The following KIF5C variants were observed in gnomAD, a reference collection of about 807,000 sequenced individuals.
KIF5C encodes the protein kinesin heavy chain isoform 5C.
In KIF5C, 18 loss-of-function variants were observed where a neutral mutation model predicts 125.2. The observed-to-expected ratio is 0.14, with a 90% CI of 0.10 to 0.21. The LOEUF (loss-of-function observed/expected upper bound fraction) is 0.21, where lower values mean the gene tolerates loss of function less well. Ranked by LOEUF, KIF5C falls within the 10% of genes least tolerant of loss-of-function variation. KIF5C has a pLI of 1.00. For missense variants in KIF5C, 780 were observed against 1,183.8 expected (o/e 0.66, Z 5.01); for synonymous variants, 405 against 434.0 (o/e 0.93, Z 0.83).
chr2:148,877,556 G>A (rs1681227170), intron 1 of KIF5C, among the ~76,000 whole-genome samples: 1 of 152,214 alleles, frequency 6.6e-6, no homozygotes, highest in African/African-American at 2.4e-5. Context: ...GCTACTTTCT[G>A]AGCCAGGCTG....
At position 149,007,988 on chromosome 2, in the gene KIF5C, G is replaced by C; in HGVS notation, c.2471G>C (p.Gly824Ala). The C allele has an allele frequency of 6.2e-7, 1 of 1,609,330 alleles. No homozygotes were observed. Among genetic ancestry groups the C allele is most frequent in the Non-Finnish European group, 8.5e-7 (1 of 1,176,640 alleles). ...AGTGTGGAGTTGGACAACGATGATG[G>C]AGGGGGCAGTGCTGCCCAGAAGCAG... ...KKSVELDNDD[G>A]GGSAAQKQKI... is the part of the protein sequence containing the mutation. The change falls in exon 23 of 26, where the codon GGA becomes GCA. Residue 824 changes from glycine to alanine, a missense_variant. By Grantham distance (60) the Gly-to-Ala change is moderately conservative. Coordinates refer to ENST00000435030, the MANE Select transcript of KIF5C (RefSeq NM_004522.3).
chr2:149,000,806 T>G, intron 21 of KIF5C, 24 bp downstream of exon 21: 1 of 1,611,732 alleles, frequency 6.2e-7, no homozygotes, highest in Non-Finnish European at 8.5e-7. Flanking sequence ...TTTCCCGATT[T>G]ATGTTTGTCT....
chr2:149,014,442 T>C (rs1324029374), intron 25 of KIF5C, among the ~76,000 whole-genome samples: 1 of 152,210 alleles, frequency 6.6e-6, no homozygotes, highest in African/African-American at 2.4e-5. Context: ...TGTAACTAGG[T>C]GCTTCTCTCA....
At chr2:148,965,257 A>T (rs1683022282) in intron 11 of KIF5C, among the ~76,000 whole-genome samples, 1 of 151,914 alleles carries the variant, frequency 6.6e-6, no homozygotes. Context: ...TGGAGTCATC[A>T]GTCTTTTGGT....
At chr2:148,942,882 G>A in intron 7 of KIF5C, 122 bp downstream of exon 7, 1 of 1,507,106 alleles carries the variant, frequency 6.6e-7, no homozygotes, top group Non-Finnish European at 9.0e-7. Context: ...TTAAAGAGCA[G>A]TGCTCGGACA....
Position 148,876,834 on chromosome 2 carries a change from C to A in KIF5C, c.126+1091C>A, listed in dbSNP as rs956748876. The stretch of plus-strand genomic sequence containing the variant: ...AGGGACCGAGTTAATGGGAGCCTCC[C>A]GGTCCCCGCTGACACGTTCCTGGCA... On this transcript the variant is annotated intron_variant, in intron 1 of 25. Transcript: ENST00000435030. This position sits in a 1 kb window ranked among gnomAD's most constrained non-coding sequence, Gnocchi z 4.7. Among the ~76,000 whole-genome samples the A allele has an allele frequency of 1.3e-5, 2 of 152,194 alleles. No individual in the cohort carries two copies. The highest frequency in any genetic ancestry group is 4.8e-5 in the African/African-American group (2 of 41,450).
In KIF5C at chr2:149,007,945, C is replaced by T; in HGVS notation, c.2446-18C>T. ...GTGGGTGACAGCCTGTCCTGCTGAC[C>T]CCTTGGTGTCAATGCAGAGTGTGGA... On this transcript the variant is annotated intron_variant, in intron 22 of 25. Coordinates refer to ENST00000435030, the MANE Select transcript of KIF5C (RefSeq NM_004522.3). 1.9e-6 allele frequency: 3 copies of T among 1,573,498 alleles called. No homozygotes were observed. Among genetic ancestry groups the T allele is most frequent in the Non-Finnish European group, 1.7e-6 (2 of 1,152,202 alleles).
chr2:148,942,824 AG>A (rs1682438388), intron 7 of KIF5C, 64 bp downstream of exon 7: 6 of 1,563,964 alleles, frequency 3.8e-6, no homozygotes, highest in East Asian at 2.4e-5. Flanking sequence ...CCACCAACCG[AG>A]GGGGGTGGGG....
chr2:148,998,278 C>T, intron 18 of KIF5C, 122 bp from the exon 19 acceptor site: 1 of 1,451,338 alleles, frequency 6.9e-7, no homozygotes. Context: ...GAAATGCCCC[C>T]AGTTTTGGGA....
chr2:148,879,648 A>G (rs1007757716), intron 1 of KIF5C: 2 of 152,260 alleles, frequency 1.3e-5, no homozygotes, highest in African/African-American at 4.8e-5. Context: ...AGAGTACTCC[A>G]TTAGCTGCTA....
intron 12 of KIF5C, among the ~76,000 whole-genome samples, chr2:148,977,651 G>C (rs1442747073): frequency 1.3e-5 from 2 of 152,150 alleles, no homozygotes; most frequent in African/African-American, 4.8e-5. Context: ...TTGGTGTAAA[G>C]GGTTCAGTAG....
intron 17 of KIF5C, among the ~76,000 whole-genome samples, chr2:148,996,754 G>A (rs1424214705): frequency 2.6e-5 from 4 of 152,152 alleles, no homozygotes; most frequent in Non-Finnish European, 5.9e-5. Flanking sequence ...TTCCCATCCT[G>A]GAAACAGAGT....
intron 21 of KIF5C, among the ~76,000 whole-genome samples, chr2:149,004,781 C>A (rs968905727): frequency 1.3e-5 from 2 of 152,114 alleles, no homozygotes; most frequent in Non-Finnish European, 2.9e-5. Context: ...GATAAGGCAA[C>A]CACTGTTTTT....
At chr2:149,009,052 C>T (rs1346983708) in intron 23 of KIF5C, among the ~76,000 whole-genome samples, 3 of 142,574 alleles carry the variant, frequency 2.1e-5, no homozygotes, top group East Asian at 4.1e-4. Flanking sequence ...TGCAGTGGTG[C>T]GATCTCTGCT....
intron 4 of KIF5C, among the ~76,000 whole-genome samples, chr2:148,938,130 A>G (rs925559786): frequency 1.3e-5 from 2 of 152,104 alleles, no homozygotes; most frequent in Non-Finnish European, 2.9e-5. Flanking sequence ...TCATTGGAAC[A>G]CCTCTTTTGC....
chr2:148,912,405 G>T (rs554610839), intron 1 of KIF5C, among the ~76,000 whole-genome samples: 16 of 152,314 alleles, frequency 1.1e-4, no homozygotes, highest in African/African-American at 3.6e-4. Context: ...TAAAATTGTG[G>T]CTGAATTCAG....
chr2:148,911,713 G>T (rs983627123), intron 1 of KIF5C, among the ~76,000 whole-genome samples: 3 of 152,194 alleles, frequency 2.0e-5, no homozygotes, highest in African/African-American at 7.2e-5. Flanking sequence ...ATATTGGAAG[G>T]AAATCTTGGA....
chr2:148,897,243 C>T (rs985811462), intron 1 of KIF5C, among the ~76,000 whole-genome samples: 8 of 152,136 alleles, frequency 5.3e-5, no homozygotes, highest in African/African-American at 1.9e-4. Flanking sequence ...ATGTGATGTC[C>T]TCTAATATTT....
rs1185765209 is a variant in KIF5C at position 148,875,487 on chromosome 2, G to T, written c.-131G>T. Reference sequence around the variant, plus strand: ...CAGCCGGCCGGGCTCGCGATGACCTGCTGAGAAGCGTCGTCGGAGGCTGCA... The same window carrying T: ...CAGCCGGCCGGGCTCGCGATGACCTTCTGAGAAGCGTCGTCGGAGGCTGCA... On this transcript the variant is annotated 5_prime_UTR_variant, in exon 1 of 26. Transcript: ENST00000435030. 1.1e-4 allele frequency: 82 copies of T among 758,902 alleles called. No individual in the cohort carries two copies. The highest frequency in any genetic ancestry group is 1.7e-4 in the Non-Finnish European group (77 of 459,026). 47.0% of individuals were successfully genotyped at this position (758,902 alleles called of 1,614,324 possible).
Sources: allele counts gnomAD v4.1 joint callset (sites outside exome capture counted in the v4.1 genomes callset), GRCh38; gene constraint gnomAD v4.1.1; non-coding constraint Gnocchi (gnomAD v3.1); transcripts MANE v1.5; gene names NCBI Gene and HGNC (gene_info 2026-07-23, HGNC 2026-07-21).